Variants in GABPB1 observed in about 807,000 individuals in gnomAD.
The protein encoded by GABPB1 is GA-binding protein subunit beta-1.
Under a neutral mutation model 45.9 loss-of-function variants are expected in GABPB1, and 15 were observed. The ratio of observed to expected loss-of-function variants is 0.33; its 90% CI spans 0.22 to 0.50. The LOEUF (loss-of-function observed/expected upper bound fraction) is 0.50. Ranked by LOEUF, GABPB1 falls within the 20% of genes least tolerant of loss-of-function variation. The pLI is 0.98. For synonymous variants in GABPB1, 143 were observed against 154.4 expected, an observed-to-expected ratio of 0.93 and a Z score of 0.55; for missense variants, 252 against 457.5, an observed-to-expected ratio of 0.55 and a Z score of 4.10.
chr15:50,303,696 A>G (rs2046840370), intron 3 of GABPB1, among the ~76,000 whole-genome samples: 2 of 151,190 alleles, frequency 1.3e-5, no homozygotes, highest in Admixed American at 6.6e-5. Context: ...AAAAAAAACA[A>G]AAAGAAAAAA....
chr15:50,317,571 A>C (rs566088427), intron 1 of GABPB1, among the ~76,000 whole-genome samples: 1 of 151,820 alleles, frequency 6.6e-6, no homozygotes, highest in South Asian at 2.1e-4. Context: ...GCTTTTTTTC[A>C]AAATTAGGTT....
In GABPB1 at chr15:50,341,520, T is replaced by C. The variant is rs1255382093; in HGVS notation, c.-1+13465A>G. ...TGCACTCCAGCCTGGGCAACAAGAG[T>C]GAAACCCCATCTCAAAAAAAAAAAG... On this transcript the variant is annotated intron_variant, in intron 1 of 8. Coordinates refer to ENST00000380877, the MANE Select transcript of GABPB1 (RefSeq NM_016654.5). 2.0e-5 allele frequency among the ~76,000 whole-genome samples: 3 copies of C among 150,314 alleles called. No homozygotes were observed. In the East Asian group the frequency reaches 5.9e-4, roughly 29 times the overall value.
At chr15:50,322,465 G>C (rs1479633590) in intron 1 of GABPB1, among the ~76,000 whole-genome samples, 1 of 151,928 alleles carries the variant, frequency 6.6e-6, no homozygotes, top group Non-Finnish European at 1.5e-5. Context: ...AGAATCACTT[G>C]AATCAAGGAG....
chr15:50,326,383 T>C (rs35777196), intron 1 of GABPB1, among the ~76,000 whole-genome samples: 95,045 of 151,414 alleles, frequency 0.63, 30,784 homozygotes, highest in African/African-American at 0.77. Context: ...AAGAGCCAGG[T>C]ATGGTGGCTC....
At chr15:50,302,224 C>T (rs2141024438) in intron 4 of GABPB1, among the ~76,000 whole-genome samples, 1 of 152,256 alleles carries the variant, frequency 6.6e-6, no homozygotes, top group South Asian at 2.1e-4. Context: ...ACAAATCAAA[C>T]TGCATCACTC....
intron 6 of GABPB1, among the ~76,000 whole-genome samples, chr15:50,292,262 C>T (rs2046372460): frequency 7.2e-6 from 1 of 138,300 alleles, no homozygotes; most frequent in South Asian, 2.2e-4. Flanking sequence ...TGCAAGTGAG[C>T]TGAGATCACG....
At chr15:50,335,595 G>C (rs983094751) in intron 1 of GABPB1, among the ~76,000 whole-genome samples, 1 of 152,048 alleles carries the variant, frequency 6.6e-6, no homozygotes, top group Non-Finnish European at 1.5e-5. Flanking sequence ...ATTTTCAATT[G>C]TCTTCAAAAA....
intron 6 of GABPB1, among the ~76,000 whole-genome samples, chr15:50,294,677 T>C (rs1047132343): frequency 3.3e-5 from 5 of 152,194 alleles, no homozygotes; most frequent in African/African-American, 4.8e-5. Context: ...TTAAAGCCAA[T>C]TGAGTTGTAT....
At chr15:50,343,030 G>GTCC (rs1367289403) in intron 1 of GABPB1, among the ~76,000 whole-genome samples, 1 of 152,068 alleles carries the variant, frequency 6.6e-6, no homozygotes, top group Non-Finnish European at 1.5e-5. Flanking sequence ...GTCCCGAGTA[G>GTCC]CTGGGACTAC....
chr15:50,300,447 T>TG (rs1555508803), intron 6 of GABPB1, among the ~76,000 whole-genome samples: 1 of 124,828 alleles, frequency 8.0e-6, no homozygotes, highest in African/African-American at 2.8e-5. Flanking sequence ...TTTTTTTTTT[T>TG]TTTTTTTTTT....
At chr15:50,343,679 C>T (rs2141166940) in intron 1 of GABPB1, among the ~76,000 whole-genome samples, 1 of 152,262 alleles carries the variant, frequency 6.6e-6, no homozygotes, top group Non-Finnish European at 1.5e-5. Flanking sequence ...GCTGGGACTA[C>T]AGGCACACAC....
intron 8 of GABPB1, among the ~76,000 whole-genome samples, chr15:50,280,417 C>G (rs1408026342): frequency 6.6e-6 from 1 of 152,146 alleles, no homozygotes; most frequent in African/African-American, 2.4e-5. Flanking sequence ...AGCTAGACCA[C>G]AGCTCTGGCA....
chr15:50,307,867 CTT>C (rs2047000552), intron 2 of GABPB1, among the ~76,000 whole-genome samples: 1 of 152,166 alleles, frequency 6.6e-6, no homozygotes, highest in South Asian at 2.1e-4. Context: ...GCAATTACCT[CTT>C]TGAATTATTT....
intron 6 of GABPB1, among the ~76,000 whole-genome samples, chr15:50,293,270 G>C (rs1318828978): frequency 6.6e-6 from 1 of 152,030 alleles, no homozygotes; most frequent in Non-Finnish European, 1.5e-5. Context: ...CATAAATATA[G>C]GAACTGCTTT....
chr15:50,284,009 C>T (rs561703972), intron 8 of GABPB1, among the ~76,000 whole-genome samples: 4 of 152,012 alleles, frequency 2.6e-5, no homozygotes, highest in Non-Finnish European at 5.9e-5. Context: ...GGATGTCTAC[C>T]CAGCCTCTAC....
intron 1 of GABPB1, among the ~76,000 whole-genome samples, chr15:50,311,831 A>G (rs2047139646): frequency 6.6e-6 from 1 of 152,312 alleles, no homozygotes; most frequent in Non-Finnish European, 1.5e-5. Context: ...AGGGGTAATT[A>G]TAAGAAAAGC....
intron 1 of GABPB1, among the ~76,000 whole-genome samples, chr15:50,345,492 G>A (rs1295228178): frequency 1.3e-5 from 2 of 152,130 alleles, no homozygotes; most frequent in African/African-American, 2.4e-5. Flanking sequence ...ACCTGAGCCT[G>A]GGGAGGTCAA....
chr15:50,338,782 T>A (rs953838039), intron 1 of GABPB1, among the ~76,000 whole-genome samples: 3 of 152,216 alleles, frequency 2.0e-5, no homozygotes, highest in Non-Finnish European at 4.4e-5. Flanking sequence ...AACCTCCGTT[T>A]TAAATATTAC....
intron 1 of GABPB1, among the ~76,000 whole-genome samples, chr15:50,338,849 A>C (rs1285330661): frequency 1.3e-5 from 2 of 152,196 alleles, no homozygotes; most frequent in East Asian, 1.9e-4. Flanking sequence ...TGTTTCTTTG[A>C]ATTTCAGACA....
Sources: gnomAD v4.1 joint callset for allele counts (sites outside exome capture counted in the v4.1 genomes callset) on GRCh38, gnomAD v4.1.1 for gene constraint, MANE v1.5 for transcripts, NCBI Gene and HGNC (gene_info 2026-07-23, HGNC 2026-07-21) for gene names.